Variants in RAD51B observed in about 807,000 individuals in gnomAD.
RAD51B encodes DNA repair protein RAD51 homolog 2.
RAD51B carries 38 observed loss-of-function variants against 42.2 expected under a neutral mutation model. The ratio of observed to expected loss-of-function variants is 0.90; its 90% confidence interval spans 0.70 to 1.18. The LOEUF (loss-of-function observed/expected upper bound fraction) is 1.18, where lower values mean the gene tolerates loss of function less well. Among genes scored for constraint, RAD51B ranks in the 50% most tolerant of loss-of-function variants. The pLI is 0.00. For missense variants in RAD51B, 373 were observed against 400.7 expected (o/e 0.93, Z 0.59); for synonymous variants, 154 against 145.2 (o/e 1.06, Z -0.43).
chr14:68,585,868 G>A (rs1036471188), intron 10 of RAD51B, among the ~76,000 whole-genome samples: 2 of 152,160 alleles, frequency 1.3e-5, no homozygotes, highest in Non-Finnish European at 2.9e-5. Flanking sequence ...TTGGTGGGGA[G>A]GCAAGGAGAG....
intron 7 of RAD51B, among the ~76,000 whole-genome samples, chr14:68,155,918 G>T (rs918622983): frequency 1.3e-5 from 2 of 152,198 alleles, no homozygotes; most frequent in African/African-American, 4.8e-5. Flanking sequence ...TAGAGACGTG[G>T]TGTTCATCTG....
At chr14:67,885,808 C>A in intron 5 of RAD51B, 61 bp from the exon 6 acceptor site, 1 of 1,524,152 alleles carries the variant, frequency 6.6e-7, no homozygotes, top group South Asian at 1.3e-5. Flanking sequence ...ATTAGAGATT[C>A]AGCAATGTGG....
chr14:68,197,217 C>T (rs771429851), intron 7 of RAD51B, among the ~76,000 whole-genome samples: 16 of 152,298 alleles, frequency 1.1e-4, no homozygotes, highest in Admixed American at 2.6e-4. Context: ...CCTCCTTAGG[C>T]AATCACTCTT....
At chr14:68,593,528 T>A (rs769099817) in intron 10 of RAD51B, among the ~76,000 whole-genome samples, 1 of 152,098 alleles carries the variant, frequency 6.6e-6, no homozygotes, top group Admixed American at 6.5e-5. Context: ...GAGGGAGAGA[T>A]GAAATCCAAT....
intron 7 of RAD51B, among the ~76,000 whole-genome samples, chr14:68,030,919 G>A (rs955505450): frequency 6.6e-6 from 1 of 152,196 alleles, no homozygotes; most frequent in African/African-American, 2.4e-5. Context: ...GGAATAGGAA[G>A]GCCTGAAGAG....
intron 7 of RAD51B, among the ~76,000 whole-genome samples, chr14:68,048,726 G>A (rs988610529): frequency 3.9e-5 from 6 of 152,252 alleles, no homozygotes; most frequent in Non-Finnish European, 8.8e-5. Flanking sequence ...TGGAGAGGAT[G>A]TGGAGAAATA....
intron 10 of RAD51B, chr14:68,541,880 A>G (rs1404507413): frequency 2.1e-6 from 2 of 947,818 alleles, no homozygotes; most frequent in Non-Finnish European, 2.5e-6. Flanking sequence ...CTCCTCTTTT[A>G]TTGAGATCCC....
At chr14:67,861,834 G>A (rs1246370506) in intron 4 of RAD51B, among the ~76,000 whole-genome samples, 1 of 152,116 alleles carries the variant, frequency 6.6e-6, no homozygotes, top group Admixed American at 6.5e-5. Flanking sequence ...TAAAATCACT[G>A]TTTGGAATAT....
intron 7 of RAD51B, among the ~76,000 whole-genome samples, chr14:68,025,988 G>A (rs575043935): frequency 3.3e-5 from 5 of 152,014 alleles, no homozygotes; most frequent in African/African-American, 1.2e-4. Context: ...AGGGAATTTC[G>A]TGTTATAAGC....
chr14:67,953,598 A>G (rs962187229), intron 7 of RAD51B, among the ~76,000 whole-genome samples: 2 of 152,154 alleles, frequency 1.3e-5, no homozygotes, highest in African/African-American at 4.8e-5. Flanking sequence ...AAGAATTAAA[A>G]TTAAGGGGCC....
chr14:68,150,430 T>G (rs2078353252), intron 7 of RAD51B, among the ~76,000 whole-genome samples: 1 of 151,824 alleles, frequency 6.6e-6, no homozygotes, highest in Non-Finnish European at 1.5e-5. Flanking sequence ...CAATATTGAG[T>G]CTTCTTATCC....
Position 67,927,721 on chromosome 14 carries a change from G to GTGTGTGTGTGTA in RAD51B, c.756+40526_756+40527insGTATGTGTGTGT, listed in dbSNP as rs1555416793. 2.7e-4 allele frequency among the ~76,000 whole-genome samples: 40 copies of GTGTGTGTGTGTA among 149,626 alleles called. No individual in the cohort carries two copies. The South Asian group carries it at 6.9e-3, about 26-fold the overall frequency. On this transcript the variant is annotated intron_variant, in intron 7 of 10. Transcript: ENST00000471583. Reference sequence around the variant, plus strand: ...TCATTGTATGTGTGTGTGTGTGTGTGTGTGTGTGTATTATATAATATATTC... The same window carrying GTGTGTGTGTGTA: ...TCATTGTATGTGTGTGTGTGTGTGTGTGTGTGTGTGTATGTGTGTGTATTATATAATATATTC...
At chr14:68,518,754 A>G (rs550766068) in intron 10 of RAD51B, among the ~76,000 whole-genome samples, 1 of 152,324 alleles carries the variant, frequency 6.6e-6, no homozygotes, top group Admixed American at 6.5e-5. Flanking sequence ...AGCTGAGGCC[A>G]ACATCCTACA....
chr14:68,597,982 C>G (rs994378401), downstream of RAD51B, among the ~76,000 whole-genome samples: 2 of 152,012 alleles, frequency 1.3e-5, no homozygotes, highest in Non-Finnish European at 2.9e-5. Context: ...ACTGCTTCAG[C>G]TCCTGGGATT....
intron 7 of RAD51B, among the ~76,000 whole-genome samples, chr14:68,248,785 CT>C: frequency 6.6e-6 from 1 of 152,304 alleles, no homozygotes; most frequent in South Asian, 2.1e-4. Context: ...TTCCATCTTT[CT>C]TTTTTCCCCA....
At chr14:68,034,853 T>G (rs2076097411) in intron 7 of RAD51B, among the ~76,000 whole-genome samples, 1 of 152,148 alleles carries the variant, frequency 6.6e-6, no homozygotes, top group African/African-American at 2.4e-5. Flanking sequence ...TCTGGAGGGC[T>G]TATCTGAAGG....
chr14:68,034,357 T>C (rs2076090422), intron 7 of RAD51B, among the ~76,000 whole-genome samples: 1 of 151,950 alleles, frequency 6.6e-6, no homozygotes, highest in Admixed American at 6.6e-5. Context: ...CTGCAGCCTC[T>C]ACCTCCTGGG....
intron 7 of RAD51B, among the ~76,000 whole-genome samples, chr14:67,892,961 T>A (rs1339584039): frequency 2.0e-5 from 3 of 152,232 alleles, no homozygotes; most frequent in Non-Finnish European, 4.4e-5. Context: ...CTTTTCTGTT[T>A]GCTCATTTTG....
intron 8 of RAD51B, among the ~76,000 whole-genome samples, chr14:68,359,973 G>A (rs979713196): frequency 6.6e-6 from 1 of 152,198 alleles, no homozygotes; most frequent in Non-Finnish European, 1.5e-5. Flanking sequence ...GCAGGGAAAC[G>A]GCCTTGTCAG....
Sources: gnomAD v4.1 joint callset for allele counts (sites outside exome capture counted in the v4.1 genomes callset) on GRCh38, gnomAD v4.1.1 for gene constraint, MANE v1.5 for transcripts, NCBI Gene and HGNC (gene_info 2026-07-23, HGNC 2026-07-21) for gene names.